The following ARHGAP26 variants were observed in gnomAD, a reference collection of about 807,000 sequenced individuals.
The protein encoded by ARHGAP26 is Rho GTPase activating protein 26, also known as rho GTPase-activating protein 26.
A neutral mutation model predicts 104.8 loss-of-function variants in ARHGAP26; 38 were observed. The ratio of observed to expected loss-of-function variants is 0.36; its 90% CI spans 0.28 to 0.48. The LOEUF (loss-of-function observed/expected upper bound fraction) is 0.48. Ranked by LOEUF, ARHGAP26 falls within the 20% of genes least tolerant of loss-of-function variation. The pLI, the probability that ARHGAP26 is intolerant of heterozygous loss-of-function variation, is 0.99. For missense variants in ARHGAP26, 704 were observed against 947.9 expected, an observed-to-expected ratio of 0.74 and a Z score of 3.38; for synonymous variants, 341 against 340.0, an observed-to-expected ratio of 1.00 and a Z score of -0.03.
At chr5:142,979,707 C>T (rs2152725898) in intron 11 of ARHGAP26, among the ~76,000 whole-genome samples, 1 of 152,324 alleles carries the variant, frequency 6.6e-6, no homozygotes, top group South Asian at 2.1e-4. Flanking sequence ...GCCTTCCAGG[C>T]AAAGAGAGTA....
intron 20 of ARHGAP26, among the ~76,000 whole-genome samples, chr5:143,159,390 A>G (rs1259579485): frequency 6.6e-6 from 1 of 152,264 alleles, no homozygotes; most frequent in South Asian, 2.1e-4. Context: ...CTATCAATAA[A>G]GGACGGCCTA....
Position 142,871,332 on chromosome 5 carries a change from CT to C in ARHGAP26, c.155-2067del, listed in dbSNP as rs1755268403. 6.6e-6 allele frequency among the ~76,000 whole-genome samples: 1 copy of C among 152,252 alleles called. No individual in the cohort carries two copies. Among genetic ancestry groups the C allele is most frequent in the Non-Finnish European group, 1.5e-5 (1 of 68,052 alleles). On this transcript the variant is annotated intron_variant, in intron 1 of 22. Transcript: ENST00000645722. The surrounding 1 kb of genome is among the most constrained non-coding windows in gnomAD (Gnocchi z 4.1). ...AGCCACTCCCTGATCCTCCTGGCAG[CT>C]GCCCTTGGCAGTGCGGCTTTTCAGG...
intron 20 of ARHGAP26, among the ~76,000 whole-genome samples, chr5:143,183,903 G>T (rs1205093957): frequency 1.3e-5 from 2 of 152,174 alleles, no homozygotes; most frequent in African/African-American, 4.8e-5. Flanking sequence ...TTAAGTTTCA[G>T]TAGAAGTTTG....
chr5:142,885,335 A>G lies in ARHGAP26; in HGVS notation c.422A>G (p.Tyr141Cys), dbSNP rs1289469061. ...KKKYDKETEK[Y>C]CGILEKHLNL... ...AAGTATGACAAAGAGACAGAAAAGT[A>G]TTGTGGCATCTTAGAAAAACACTTG... The change falls in exon 5 of 23, where the codon TAT becomes TGT. Residue 141 changes from tyrosine (Y) to cysteine (C), a missense_variant. This residue lies in a region of ARHGAP26 where 106 missense variants were observed against 120.5 expected (regional missense o/e 0.88). Coordinates refer to ENST00000645722, the MANE Select transcript of ARHGAP26 (RefSeq NM_001135608.3). 5 of 1,613,860 alleles carry G rather than the reference A, an allele frequency of 3.1e-6. No individual in the cohort carries two copies. The highest frequency in any genetic ancestry group is 4.2e-6 in the Non-Finnish European group (5 of 1,179,812).
At position 142,998,389 on chromosome 5, in the gene ARHGAP26, C is replaced by T. The variant is rs750701524; in HGVS notation, c.1108-15691C>T. Among the ~76,000 whole-genome samples the T allele has an allele frequency of 1.4e-4, 21 of 152,228 alleles. No individual in the cohort carries two copies. The East Asian group carries it at 1.5e-3, about 11-fold the overall frequency. On this transcript the variant is annotated intron_variant, in intron 11 of 22. Coordinates refer to ENST00000645722, the MANE Select transcript of ARHGAP26 (RefSeq NM_001135608.3). ...CCCAGAAGCAGCCTTTGGATTTGTG[C>T]GTTCATCTGTCATGCTCTCAAGACA...
chr5:142,842,165 C>CT (rs1202904562), intron 1 of ARHGAP26, among the ~76,000 whole-genome samples: 1 of 152,224 alleles, frequency 6.6e-6, no homozygotes, highest in Non-Finnish European at 1.5e-5. Flanking sequence ...ATGGAGAACA[C>CT]TTGCAGGGTG....
chr5:142,962,991 C>G (rs1259122277), intron 11 of ARHGAP26, among the ~76,000 whole-genome samples: 1 of 151,674 alleles, frequency 6.6e-6, no homozygotes, highest in Non-Finnish European at 1.5e-5. Flanking sequence ...GTCTGTTGTT[C>G]CCCTCTGCGT....
chr5:142,944,226 G>A (rs1466562756), intron 11 of ARHGAP26, among the ~76,000 whole-genome samples: 1 of 152,178 alleles, frequency 6.6e-6, no homozygotes. Context: ...AAACCCTTCT[G>A]TTGTGTAGCA....
intron 11 of ARHGAP26, among the ~76,000 whole-genome samples, chr5:142,941,834 T>G (rs955125075): frequency 3.3e-5 from 5 of 152,206 alleles, no homozygotes; most frequent in Non-Finnish European, 5.9e-5. Context: ...ATGGAAATTT[T>G]GATAGCCAGA....
In ARHGAP26 at chr5:142,932,058, T is replaced by C. The variant is rs752990200; in HGVS notation, c.1040T>C (p.Ile347Thr). The C allele has an allele frequency of 8.7e-6, 14 of 1,613,986 alleles. No individual in the cohort carries two copies. The African/African-American group carries it at 1.7e-4, about 20-fold the overall frequency. ...DVEAVDRPGV[I>T]TMQALSEEDR... is the part of the protein sequence containing the mutation. ...TCCTTTCTCTGCAGGCCAGGGGTTA[T>C]CACCATGCAAGCTTTGTCGGAAGAG... Residue 347 changes from isoleucine (I) to threonine (T), a missense_variant, in exon 11 of 23, where the codon ATC becomes ACC. This residue lies in a region of ARHGAP26 where 287 missense variants were observed against 438.8 expected (regional missense o/e 0.65). Coordinates refer to ENST00000645722, the MANE Select transcript of ARHGAP26 (RefSeq NM_001135608.3).
At chr5:143,213,446 C>G (rs899251759) in intron 21 of ARHGAP26, among the ~76,000 whole-genome samples, 2 of 152,152 alleles carry the variant, frequency 1.3e-5, no homozygotes, top group African/African-American at 4.8e-5. Flanking sequence ...AGCTCCAGCT[C>G]TGGAATCCTG....
intron 3 of ARHGAP26, among the ~76,000 whole-genome samples, chr5:142,878,543 ATGTG>A (rs3059615): frequency 1.0e-4 from 15 of 150,750 alleles, no homozygotes; most frequent in African/African-American, 2.7e-4. Flanking sequence ...GTGTGCACGC[ATGTG>A]TGTGTGTGTG....
chr5:142,843,145 C>T (rs1447281570), intron 1 of ARHGAP26, among the ~76,000 whole-genome samples: 1 of 152,184 alleles, frequency 6.6e-6, no homozygotes, highest in Non-Finnish European at 1.5e-5. Flanking sequence ...TCCCTACCCC[C>T]TGTAATCACA....
intron 11 of ARHGAP26, among the ~76,000 whole-genome samples, chr5:142,983,501 C>A (rs549747107): frequency 7.2e-5 from 11 of 152,346 alleles, no homozygotes; most frequent in Admixed American, 3.9e-4. Context: ...CCTCCACGAC[C>A]AGCCTGGTCC....
At position 143,178,021 on chromosome 5, in the gene ARHGAP26, A is replaced by C. The variant is rs1039940763; in HGVS notation, c.1989-29177A>C. ...TTTTTTTTTTTTTTTTTTTTTTGAG[A>C]CAGCATCTCACTCTGTCACCTGGGC... On this transcript the variant is annotated intron_variant, in intron 20 of 22. Coordinates refer to ENST00000645722, the MANE Select transcript of ARHGAP26 (RefSeq NM_001135608.3). Among the ~76,000 whole-genome samples the C allele has an allele frequency of 4.7e-5, 5 of 105,900 alleles. No homozygotes were observed. In the Admixed American group the frequency reaches 6.6e-4, roughly 14 times the overall value. The allele number at this position is 105,900 out of a possible 152,430, so 69.5% of individuals were successfully genotyped here.
chr5:143,040,971 T>C (rs904303259), intron 13 of ARHGAP26, among the ~76,000 whole-genome samples: 1 of 152,226 alleles, frequency 6.6e-6, no homozygotes, highest in Non-Finnish European at 1.5e-5. Flanking sequence ...ATGAACTAAT[T>C]TGCACTTTAG....
chr5:142,903,991 T>A (rs993345515), intron 8 of ARHGAP26, among the ~76,000 whole-genome samples: 1 of 152,106 alleles, frequency 6.6e-6, no homozygotes, highest in Non-Finnish European at 1.5e-5. Context: ...CATAGCAGCC[T>A]TGGAAAGGTC....
At chr5:143,002,093 T>G (rs1437511025) in intron 11 of ARHGAP26, among the ~76,000 whole-genome samples, 1 of 152,136 alleles carries the variant, frequency 6.6e-6, no homozygotes, top group African/African-American at 2.4e-5. Context: ...TCTGACTGCA[T>G]CAGCCTCGAG....
At chr5:142,964,368 C>A (rs769962791) in intron 11 of ARHGAP26, among the ~76,000 whole-genome samples, 30 of 152,030 alleles carry the variant, frequency 2.0e-4, no homozygotes, top group Admixed American at 1.3e-4. Context: ...TCTTTATTTA[C>A]AAAATTTCCT....
Sources: gnomAD v4.1 joint callset for allele counts (sites outside exome capture counted in the v4.1 genomes callset) on GRCh38, gnomAD v4.1.1 for gene constraint, gnomAD v4.1.1 regional missense constraint, Gnocchi (gnomAD v3.1) non-coding constraint, MANE v1.5 for transcripts, NCBI Gene and HGNC (gene_info 2026-07-23, HGNC 2026-07-21) for gene names.